Variants in TRAF2 observed in about 807,000 individuals in gnomAD.
TRAF2 encodes TNF receptor-associated factor 2.
In TRAF2, 6 loss-of-function variants were observed where a neutral mutation model predicts 55.6. The observed-to-expected ratio is 0.11, with a 90% CI of 0.06 to 0.21. The LOEUF (loss-of-function observed/expected upper bound fraction) is 0.21. Ranked by LOEUF, TRAF2 falls within the 10% of genes least tolerant of loss-of-function variation. The pLI, the probability that TRAF2 is intolerant of heterozygous loss-of-function variation, is 1.00. For missense variants in TRAF2, 561 were observed against 684.5 expected, an observed-to-expected ratio of 0.82 and a Z score of 2.01; for synonymous variants, 329 against 276.3, an observed-to-expected ratio of 1.19 and a Z score of -1.89.
rs140852627 is a variant in TRAF2, at chr9:136,900,154, G to A, written c.268-268G>A. Among the ~76,000 whole-genome samples the A allele has an allele frequency of 3.7e-3, 518 of 141,638 alleles. 3 individuals are homozygous for A. Among genetic ancestry groups the A allele is most frequent in the Admixed American group, 4.2e-3 (59 of 14,206 alleles). The allele number at this position is 141,638 out of a possible 152,430, so 92.9% of individuals were successfully genotyped here. The stretch of plus-strand genomic sequence containing the variant: ...ACTGCACTCCAACCTGGGTTACAAA[G>A]TGAGACCCCTCCTTTAAAAAAAAAA... On this transcript the variant is annotated intron_variant, in intron 3 of 10. Coordinates refer to ENST00000247668, the MANE Select transcript of TRAF2 (RefSeq NM_021138.4).
intron 1 of TRAF2, 176 bp from the exon 2 acceptor site, chr9:136,898,537 A>G: frequency 1.0e-6 from 1 of 972,228 alleles, no homozygotes; most frequent in Non-Finnish European, 1.2e-6. Context: ...GGGAGATGGG[A>G]CTAGAGGGTC....
chr9:136,920,573 C>G (rs1023469403), intron 8 of TRAF2, 58 bp downstream of exon 8: 2 of 1,527,950 alleles, frequency 1.3e-6, no homozygotes, highest in African/African-American at 1.4e-5. Context: ...GGATAGTGTT[C>G]GTGCCCCAGC....
At chr9:136,908,646 C>T (rs965971247) in intron 5 of TRAF2, among the ~76,000 whole-genome samples, 1 of 152,146 alleles carries the variant, frequency 6.6e-6, no homozygotes, top group Non-Finnish European at 1.5e-5. Flanking sequence ...GCGGGCAGAT[C>T]ACGAGGTCAG....
intron 6 of TRAF2, among the ~76,000 whole-genome samples, chr9:136,910,318 ATGT>A (rs1251024481): frequency 6.6e-6 from 1 of 152,298 alleles, no homozygotes; most frequent in South Asian, 2.1e-4. Context: ...CTTATGAGAA[ATGT>A]TGTTACTGAC....
intron 2 of TRAF2, 41 bp downstream of exon 2, chr9:136,898,969 T>A: frequency 6.5e-7 from 1 of 1,550,330 alleles, no homozygotes; most frequent in Non-Finnish European, 8.7e-7. Flanking sequence ...GCAGGCAGGC[T>A]AGGCTGGTTT....
chr9:136,916,696 T>C, intron 7 of TRAF2, 81 bp downstream of exon 7: 1 of 1,409,740 alleles, frequency 7.1e-7, no homozygotes, highest in Non-Finnish European at 9.9e-7. Context: ...TGCTTCCTGG[T>C]TTCCTTCCAG....
At chr9:136,909,874 C>T (rs1470127995) in intron 5 of TRAF2, 46 bp from the exon 6 acceptor site, 1 of 1,606,026 alleles carries the variant, frequency 6.2e-7, no homozygotes, top group Admixed American at 1.7e-5. Context: ...CCACCCGCGC[C>T]TGGCATTGGC....
chr9:136,896,716 C>G (rs1849687998), intron 1 of TRAF2, among the ~76,000 whole-genome samples: 1 of 152,138 alleles, frequency 6.6e-6, no homozygotes, highest in Non-Finnish European at 1.5e-5. Context: ...TCTTGGCTCA[C>G]TGCAACCTCA....
At position 136,890,172 on chromosome 9, in the gene TRAF2, G is replaced by A. The variant is rs536525051; in HGVS notation, c.-29+3631G>A. 6.1e-5 allele frequency among the ~76,000 whole-genome samples: 9 copies of A among 148,408 alleles called. No individual in the cohort carries two copies. The East Asian group carries it at 1.0e-3, about 17-fold the overall frequency. ...CACCGTGTGTGTGAGAGTCCCCACC[G>A]CACGCTCGTTCAGTCGGTCACCGCA... On this transcript the variant is annotated intron_variant, in intron 1 of 10. Coordinates refer to ENST00000247668, the MANE Select transcript of TRAF2 (RefSeq NM_021138.4).
chr9:136,916,028 C>A (rs577546764), intron 6 of TRAF2, among the ~76,000 whole-genome samples: 85 of 152,240 alleles, frequency 5.6e-4, no homozygotes, highest in African/African-American at 1.9e-3. Context: ...ATCCATAGAC[C>A]CATGTCAGAT....
chr9:136,924,261 G>C (rs1465063641), intron 10 of TRAF2, among the ~76,000 whole-genome samples: 2 of 152,162 alleles, frequency 1.3e-5, no homozygotes, highest in Non-Finnish European at 2.9e-5. Flanking sequence ...ATATGACTAA[G>C]AAAAAGCACA....
rs1206073766 is a variant in TRAF2, at chr9:136,926,189, G to A, written c.*288G>A. The A allele has an allele frequency of 5.4e-6, 3 of 560,482 alleles. No individual in the cohort carries two copies. Among genetic ancestry groups the A allele is most frequent in the Non-Finnish European group, 1.0e-5 (3 of 298,610 alleles). 34.7% of individuals were successfully genotyped at this position (560,482 alleles called of 1,614,324 possible). A position where few individuals can be genotyped will look rare whatever the true frequency, so the allele number is the denominator to read the frequency against. On this transcript the variant is annotated 3_prime_UTR_variant, in exon 11 of 11. Coordinates refer to ENST00000247668, the MANE Select transcript of TRAF2 (RefSeq NM_021138.4). The stretch of plus-strand genomic sequence containing the variant: ...CTTCCCAGCACAAGCTGCCCTTGCT[G>A]TCCTGTGCAGTGAAGGGAGAGGCCC...
rs759769532 is a variant in TRAF2, at chr9:136,909,902, T to C, written c.529-18T>C. 5.0e-6 allele frequency: 8 copies of C among 1,614,024 alleles called. No individual in the cohort carries two copies. Among genetic ancestry groups the C allele is most frequent in the Non-Finnish European group, 6.8e-6 (8 of 1,179,938 alleles). Reference sequence around the variant, plus strand: ...GCATTGGCGTCCACCCTCACACTCCTGATCCCTTCTTTTGAAGGCGCACCA... The same window carrying C: ...GCATTGGCGTCCACCCTCACACTCCCGATCCCTTCTTTTGAAGGCGCACCA... On this transcript the variant is annotated intron_variant, in intron 5 of 10. Coordinates refer to ENST00000247668, the MANE Select transcript of TRAF2 (RefSeq NM_021138.4).
chr9:136,890,028 CGTGT>C lies in TRAF2; in HGVS notation c.-29+3491_-29+3494del, dbSNP rs74546824. Reference sequence around the variant, plus strand: ...CGCACGCTCGTTCAGCCGGTCACCGCGTGTGTGAGTCCCCCCCGCACGCTCGTTC... The same window carrying C: ...CGCACGCTCGTTCAGCCGGTCACCGCGTGAGTCCCCCCCGCACGCTCGTTC... On this transcript the variant is annotated intron_variant, in intron 1 of 10. Coordinates refer to ENST00000247668, the MANE Select transcript of TRAF2 (RefSeq NM_021138.4). 9.1e-3 allele frequency among the ~76,000 whole-genome samples: 1,082 copies of C among 119,116 alleles called. 33 individuals are homozygous for C. Among genetic ancestry groups the C allele is most frequent in the Admixed American group, 0.052 (581 of 11,198 alleles). The allele number at this position is 119,116 out of a possible 152,430, so 78.1% of individuals were successfully genotyped here.
At position 136,899,014 on chromosome 9, in the gene TRAF2, A is replaced by C. The variant is rs17250169; in HGVS notation, c.188+86A>C. 45 of 1,398,534 alleles carry C rather than the reference A, an allele frequency of 3.2e-5. No homozygotes were observed. In the African/African-American group the frequency reaches 5.4e-4, roughly 17 times the overall value. 86.6% of individuals were successfully genotyped at this position (1,398,534 alleles called of 1,614,324 possible). A position where few individuals can be genotyped will look rare whatever the true frequency, so the allele number is the denominator to read the frequency against. On this transcript the variant is annotated intron_variant, in intron 2 of 10. Coordinates refer to ENST00000247668, the MANE Select transcript of TRAF2 (RefSeq NM_021138.4). ...GCTGCCCAGCCTGGTAGCTCCCAGC[A>C]GAGCCGGGTCCAGCTTAGATGTGCT...
intron 7 of TRAF2, among the ~76,000 whole-genome samples, chr9:136,918,727 TA>T (rs1850305763): frequency 6.6e-6 from 1 of 151,902 alleles, no homozygotes; most frequent in African/African-American, 2.4e-5. Context: ...TTTCTTATTT[TA>T]TTTTGTTTTA....
At chr9:136,923,344 C>T (rs1045389971) in intron 9 of TRAF2, among the ~76,000 whole-genome samples, 18 of 152,186 alleles carry the variant, frequency 1.2e-4, no homozygotes, top group Non-Finnish European at 1.5e-4. Flanking sequence ...GGCACAGTGG[C>T]TCACACCTGT....
intron 6 of TRAF2, among the ~76,000 whole-genome samples, chr9:136,913,138 A>G (rs985160353): frequency 3.9e-5 from 6 of 152,188 alleles, no homozygotes; most frequent in Non-Finnish European, 7.4e-5. Flanking sequence ...GTGAAACTCC[A>G]TCTCAAAAAA....
At chr9:136,896,231 C>T (rs1849676929) in intron 1 of TRAF2, among the ~76,000 whole-genome samples, 3 of 152,244 alleles carry the variant, frequency 2.0e-5, no homozygotes, top group African/African-American at 7.2e-5. Flanking sequence ...ACAGAGCATA[C>T]TTAGAGCTAG....
Sources: gnomAD v4.1 joint callset for allele counts (sites outside exome capture counted in the v4.1 genomes callset) on GRCh38, gnomAD v4.1.1 for gene constraint, MANE v1.5 for transcripts, NCBI Gene and HGNC (gene_info 2026-07-23, HGNC 2026-07-21) for gene names.